NAV3: variants seen among roughly 807,000 people sequenced by gnomAD.
The protein encoded by NAV3 is neuron navigator 3, also known as pore membrane and/or filament interacting like protein 1.
A neutral mutation model predicts 244.7 loss-of-function variants in NAV3; 87 were observed. That is an observed-to-expected ratio of 0.36 (90% CI 0.30 to 0.42). NAV3 has a LOEUF of 0.42. Among genes scored for constraint, NAV3 ranks in the 20% least tolerant of loss-of-function variants. The probability of loss-of-function intolerance (pLI) is 1.00; values close to 1 mark genes in which losing one functional copy is unlikely to be tolerated. For missense variants in NAV3, 2,663 were observed against 2,893.3 expected, an observed-to-expected ratio of 0.92 and a Z score of 1.83; for synonymous variants, 1,126 against 1,042.2, an observed-to-expected ratio of 1.08 and a Z score of -1.55.
chr12:77,851,065 T>C (rs1877443835), intron 1 of NAV3, among the ~76,000 whole-genome samples: 1 of 152,226 alleles, frequency 6.6e-6, no homozygotes, highest in Admixed American at 6.5e-5. Context: ...CTGTGTCTTA[T>C]CATTTTTCCT....
chr12:78,205,378 CTCT>C (rs1375319084), intron 39 of NAV3, among the ~76,000 whole-genome samples: 4 of 152,124 alleles, frequency 2.6e-5, no homozygotes, highest in African/African-American at 9.6e-5. Context: ...TATAATGTTT[CTCT>C]TATTATGCAT....
chr12:77,607,635 A>G (rs563227216), intron 2 of NAV3, among the ~76,000 whole-genome samples: 2 of 152,176 alleles, frequency 1.3e-5, no homozygotes, highest in South Asian at 4.1e-4. Context: ...ATAAAACTCA[A>G]GTTATCTTGT....
intron 2 of NAV3, among the ~76,000 whole-genome samples, chr12:77,590,468 C>T (rs1869854596): frequency 6.6e-6 from 1 of 152,086 alleles, no homozygotes; most frequent in Non-Finnish European, 1.5e-5. Flanking sequence ...ATGATAAGAA[C>T]CCTTGAACAC....
intron 2 of NAV3, among the ~76,000 whole-genome samples, chr12:77,745,409 C>T (rs771459726): frequency 1.3e-5 from 2 of 151,854 alleles, no homozygotes; most frequent in Non-Finnish European, 2.9e-5. Flanking sequence ...GGACAGATTG[C>T]CTAGGGGAAG....
At chr12:78,115,227 G>T (rs1013200420) in intron 12 of NAV3, among the ~76,000 whole-genome samples, 1 of 152,114 alleles carries the variant, frequency 6.6e-6, no homozygotes, top group African/African-American at 2.4e-5. Flanking sequence ...ATGAGACTTA[G>T]CTTTTGTCTG....
rs141646743 is a variant in NAV3 at position 78,187,256 on chromosome 12, TCTGAGCCAGCTAAGTGATTTAC to T, written c.5791-989_5791-968del. 4.2e-3 allele frequency among the ~76,000 whole-genome samples: 645 copies of T among 152,002 alleles called. 5 individuals are homozygous for T. Among genetic ancestry groups the T allele is most frequent in the African/African-American group, 0.015 (624 of 41,522 alleles). On this transcript the variant is annotated intron_variant, in intron 31 of 39. Transcript: ENST00000397909. ...ATATTACATATTAAGAGATTGAGGG[TCTGAGCCAGCTAAGTGATTTAC>T]CTAAGGTCACATTTCTTAATTAGGT...
chr12:77,851,716 T>TA (rs1877559694), intron 1 of NAV3, among the ~76,000 whole-genome samples: 1 of 152,158 alleles, frequency 6.6e-6, no homozygotes, highest in Non-Finnish European at 1.5e-5. Flanking sequence ...AATAAATTTA[T>TA]ATATTATGAT....
At chr12:77,991,703 G>C (rs1455849920) in intron 5 of NAV3, among the ~76,000 whole-genome samples, 2 of 152,134 alleles carry the variant, frequency 1.3e-5, no homozygotes, top group Non-Finnish European at 2.9e-5. Flanking sequence ...TTTATCCTGT[G>C]ACAAAGATAG....
chr12:78,138,429 A>T (rs1956466580), intron 19 of NAV3, among the ~76,000 whole-genome samples: 1 of 152,134 alleles, frequency 6.6e-6, no homozygotes, highest in Admixed American at 6.6e-5. Flanking sequence ...CAGCAATGAA[A>T]ATTGACTCAT....
Position 77,950,345 on chromosome 12 carries a change from G to A in NAV3, c.414+9212G>A, listed in dbSNP as rs79255510. Among the ~76,000 whole-genome samples the A allele has an allele frequency of 6.7e-3, 1,024 of 152,132 alleles. 11 individuals are homozygous for A. Among genetic ancestry groups the A allele is most frequent in the Middle Eastern group, 0.024 (7 of 294 alleles). On this transcript the variant is annotated intron_variant, in intron 3 of 39. Coordinates refer to ENST00000397909, the MANE Select transcript of NAV3 (RefSeq NM_001024383.2). ...GTTGTCAATGTTCTGGATTTTGGCC[G>A]TCCTAATAGATTTGTAGTGGCATTT...
chr12:77,657,283 C>T lies in NAV3; in HGVS notation c.72+85017C>T, dbSNP rs193061178. Among the ~76,000 whole-genome samples the T allele has an allele frequency of 5.4e-3, 827 of 152,176 alleles. 8 individuals are homozygous for T. Among genetic ancestry groups the T allele is most frequent in the Middle Eastern group, 0.031 (9 of 294 alleles). On this transcript the variant is annotated intron_variant, in intron 2 of 8. Transcript: ENST00000550042. ...AAAATGCTAAAGGGGATATCACCAC[C>T]GATCCCACAGAAATACAAACTACCA...
intron 1 of NAV3, among the ~76,000 whole-genome samples, chr12:77,874,058 A>G (rs1318994821): frequency 6.6e-6 from 1 of 151,412 alleles, no homozygotes; most frequent in African/African-American, 2.4e-5. Flanking sequence ...TAGGCTGTGC[A>G]CTCTTTATGA....
intron 1 of NAV3, among the ~76,000 whole-genome samples, chr12:77,912,136 G>A (rs1334526007): frequency 1.3e-5 from 2 of 152,140 alleles, no homozygotes; most frequent in African/African-American, 2.4e-5. Context: ...CAAAAAAGAT[G>A]TGTTGAAATT....
chr12:77,711,423 G>T (rs1876107746), intron 2 of NAV3, among the ~76,000 whole-genome samples: 1 of 152,194 alleles, frequency 6.6e-6, no homozygotes, highest in Non-Finnish European at 1.5e-5. Flanking sequence ...CAGGGGAATT[G>T]GTCAAAGCTG....
intron 12 of NAV3, among the ~76,000 whole-genome samples, chr12:78,106,649 C>G (rs186927097): frequency 5.3e-5 from 8 of 152,332 alleles, no homozygotes; most frequent in Admixed American, 5.2e-4. Flanking sequence ...TCACTACTGC[C>G]TCTTCTGTCA....
In NAV3 at chr12:78,188,707, A is replaced by G. The variant is rs764755428; in HGVS notation, c.5985A>G (p.Leu1995=). ...GAGACTTAATTAGATCCCATAACCT[A>G]GAAGTGCCTGAATTGCTGCCTTGTG... The part of the protein sequence containing the change: ...CIGDLIRSHN[L]EVPELLPCGY... Residue 1995 remains leucine, a synonymous_variant, in exon 33 of 40, where the codon CTA becomes CTG. Coordinates refer to ENST00000397909, the MANE Select transcript of NAV3 (RefSeq NM_001024383.2). The G allele has an allele frequency of 5.0e-6, 8 of 1,612,440 alleles. No homozygotes were observed. The Admixed American group carries it at 1.0e-4, about 20-fold the overall frequency.
intron 1 of NAV3, among the ~76,000 whole-genome samples, chr12:77,844,674 A>G (rs1044930762): frequency 6.6e-6 from 1 of 152,098 alleles, no homozygotes; most frequent in Non-Finnish European, 1.5e-5. Context: ...TAATGGTTCT[A>G]TTAAATATTT....
chr12:77,747,608 C>G lies in NAV3; in HGVS notation c.72+175342C>G, dbSNP rs1323359907. Among the ~76,000 whole-genome samples, 13 of 152,190 alleles carry G rather than the reference C, an allele frequency of 8.5e-5. No homozygotes were observed. In the East Asian group the frequency reaches 2.5e-3, roughly 29 times the overall value. The stretch of plus-strand genomic sequence containing the variant: ...TGCATGTTTATTGTGGCACTATTCA[C>G]AATAGCAAAGACTTGGAACCAACCC... On this transcript the variant is annotated intron_variant, in intron 2 of 8. Coordinates refer to the NAV3 transcript ENST00000550042.
chr12:77,615,249 T>TTATTTATTTA (rs1437482224), intron 2 of NAV3, among the ~76,000 whole-genome samples: 1 of 152,170 alleles, frequency 6.6e-6, no homozygotes, highest in Admixed American at 6.5e-5. Flanking sequence ...AGTATTTATT[T>TTATTTATTTA]TATTTATTTA....
Sources: gnomAD v4.1 joint callset for allele counts (sites outside exome capture counted in the v4.1 genomes callset) on GRCh38, gnomAD v4.1.1 for gene constraint, MANE v1.5 for transcripts, NCBI Gene and HGNC (gene_info 2026-07-23, HGNC 2026-07-21) for gene names.